Variants in GABRB1 observed in about 807,000 individuals in gnomAD.
GABRB1 encodes gamma-aminobutyric acid receptor subunit beta-1.
In GABRB1, 17 loss-of-function variants were observed where a neutral mutation model predicts 51.6. That is an observed-to-expected ratio of 0.33 (90% CI 0.23 to 0.49). GABRB1 has a LOEUF of 0.49. GABRB1 is among the 20% of genes least tolerant of loss of function. GABRB1 has a pLI of 0.99. For synonymous variants in GABRB1, 247 were observed against 218.9 expected (o/e 1.13, Z -1.14); for missense variants, 410 against 600.6 (o/e 0.68, Z 3.32).
chr4:47,385,401 G>A (rs1346109998), intron 5 of GABRB1, among the ~76,000 whole-genome samples: 2 of 152,160 alleles, frequency 1.3e-5, no homozygotes, highest in African/African-American at 2.4e-5. Context: ...TTTCTCACCT[G>A]AGATTATTTT....
At chr4:47,308,584 G>T (rs1380588999) in intron 4 of GABRB1, among the ~76,000 whole-genome samples, 1 of 152,024 alleles carries the variant, frequency 6.6e-6, no homozygotes. Flanking sequence ...ACTTCAAGAT[G>T]ACTGATTACC....
chr4:47,172,234 A>T (rs920311744), intron 4 of GABRB1, among the ~76,000 whole-genome samples: 1 of 152,142 alleles, frequency 6.6e-6, no homozygotes, highest in Non-Finnish European at 1.5e-5. Flanking sequence ...AATACAATAA[A>T]CATATTTTTA....
chr4:47,283,302 G>A (rs1723360816), intron 4 of GABRB1, among the ~76,000 whole-genome samples: 1 of 146,522 alleles, frequency 6.8e-6, no homozygotes, highest in African/African-American at 2.5e-5. Flanking sequence ...GAGGGAAAGA[G>A]GATTCGTTCT....
chr4:47,132,283 C>T (rs1716450053), intron 3 of GABRB1, among the ~76,000 whole-genome samples: 1 of 151,750 alleles, frequency 6.6e-6, no homozygotes, highest in Non-Finnish European at 1.5e-5. Context: ...TGAGAGATAC[C>T]ATAATAACAA....
intron 1 of GABRB1, among the ~76,000 whole-genome samples, chr4:47,004,398 A>G (rs1053297590): frequency 1.8e-4 from 28 of 152,242 alleles, no homozygotes; most frequent in African/African-American, 5.5e-4. Context: ...GATTATAGGC[A>G]TGATGAGCAA....
In GABRB1 at chr4:47,199,298, G is replaced by A. The variant is rs535764523; in HGVS notation, c.461+37829G>A. Among the ~76,000 whole-genome samples the A allele has an allele frequency of 2.6e-5, 4 of 152,134 alleles. No individual in the cohort carries two copies. The South Asian group carries it at 6.2e-4, about 24-fold the overall frequency. ...GAAAAGTGGGACAGACAAGGGTGTG[G>A]CTGGACAACCTTTTGCTAGTGCCTC... On this transcript the variant is annotated intron_variant, in intron 4 of 8. Coordinates refer to ENST00000295454, the MANE Select transcript of GABRB1 (RefSeq NM_000812.4).
At chr4:47,418,116 A>T (rs1356944849) in intron 8 of GABRB1, among the ~76,000 whole-genome samples, 2 of 152,226 alleles carry the variant, frequency 1.3e-5, no homozygotes, top group Non-Finnish European at 2.9e-5. Flanking sequence ...TGTTCTCTGG[A>T]CTTTAGTCAT....
chr4:47,101,666 T>C (rs988966613), intron 3 of GABRB1, among the ~76,000 whole-genome samples: 6 of 152,042 alleles, frequency 3.9e-5, no homozygotes, highest in Non-Finnish European at 8.8e-5. Flanking sequence ...CTAACTATTG[T>C]TTATGTTCTG....
At chr4:47,205,168 C>T (rs7660765) in intron 4 of GABRB1, among the ~76,000 whole-genome samples, 128,798 of 152,134 alleles carry the variant, frequency 0.85, 54,498 homozygotes, top group Middle Eastern at 0.92. Flanking sequence ...GGCTTAACCT[C>T]CAAATACTCC....
At chr4:47,135,680 A>G (rs1183764808) in intron 3 of GABRB1, among the ~76,000 whole-genome samples, 1 of 152,040 alleles carries the variant, frequency 6.6e-6, no homozygotes, top group Non-Finnish European at 1.5e-5. Context: ...CCCTGTCTCT[A>G]CGTTCTTTCA....
chr4:47,050,540 G>A (rs1421816946), intron 3 of GABRB1, among the ~76,000 whole-genome samples: 2 of 152,108 alleles, frequency 1.3e-5, no homozygotes, highest in Non-Finnish European at 2.9e-5. Context: ...AATGCAAAGA[G>A]TTGAAGGAAG....
At chr4:47,034,093 C>A (rs1344904769) in intron 3 of GABRB1, among the ~76,000 whole-genome samples, 1 of 152,152 alleles carries the variant, frequency 6.6e-6, no homozygotes, top group Non-Finnish European at 1.5e-5. Context: ...CCTTTTCAAT[C>A]ATTTCCTTTG....
chr4:47,196,117 G>C (rs1934461186), intron 4 of GABRB1, among the ~76,000 whole-genome samples: 1 of 152,182 alleles, frequency 6.6e-6, no homozygotes, highest in African/African-American at 2.4e-5. Flanking sequence ...CACCAACTGA[G>C]AATTCACTGT....
chr4:47,083,948 C>A (rs1284593934), intron 3 of GABRB1, among the ~76,000 whole-genome samples: 2 of 151,970 alleles, frequency 1.3e-5, no homozygotes, highest in African/African-American at 2.4e-5. Context: ...AGTCTTCTAT[C>A]CCCTGGGATA....
chr4:47,200,209 T>C (rs1000861408), intron 4 of GABRB1, among the ~76,000 whole-genome samples: 6 of 152,216 alleles, frequency 3.9e-5, no homozygotes, highest in Middle Eastern at 3.4e-3. Flanking sequence ...GTTGTTGGAA[T>C]TGAAGTACCA....
chr4:47,077,088 CTCT>C (rs1358159665), intron 3 of GABRB1, among the ~76,000 whole-genome samples: 1 of 152,184 alleles, frequency 6.6e-6, no homozygotes, highest in Non-Finnish European at 1.5e-5. Context: ...TAAGTGCCAC[CTCT>C]TCTTTACTGC....
intron 4 of GABRB1, among the ~76,000 whole-genome samples, chr4:47,246,663 C>T (rs193082838): frequency 2.0e-5 from 3 of 151,486 alleles, no homozygotes; most frequent in African/African-American, 7.3e-5. Flanking sequence ...GAAGTGTTCC[C>T]TGATCACTGC....
chr4:47,385,757 T>C (rs937907401), intron 5 of GABRB1, among the ~76,000 whole-genome samples: 14 of 152,148 alleles, frequency 9.2e-5, no homozygotes, highest in Non-Finnish European at 1.8e-4. Flanking sequence ...TTCACAAGCA[T>C]TGGGTTCCCG....
chr4:47,312,110 G>A (rs1724711853), intron 4 of GABRB1, among the ~76,000 whole-genome samples: 1 of 151,588 alleles, frequency 6.6e-6, no homozygotes, highest in African/African-American at 2.4e-5. Flanking sequence ...ATCAGGCTTT[G>A]TTTGAGTAAA....
Sources: allele counts gnomAD v4.1 joint callset (sites outside exome capture counted in the v4.1 genomes callset), GRCh38; gene constraint gnomAD v4.1.1; transcripts MANE v1.5; gene names NCBI Gene and HGNC (gene_info 2026-07-23, HGNC 2026-07-21).